CAST: variants seen among roughly 807,000 people sequenced by gnomAD.
CAST encodes MIR583 host.
CAST carries 76 observed loss-of-function variants against 119.6 expected under a neutral mutation model. The ratio of observed to expected loss-of-function variants is 0.64; its 90% confidence interval spans 0.53 to 0.77. The LOEUF (loss-of-function observed/expected upper bound fraction) is 0.77. Ranked by LOEUF, CAST falls within the 30% of genes least tolerant of loss-of-function variation. The probability of loss-of-function intolerance (pLI) is 0.00; values close to 1 mark genes in which losing one functional copy is unlikely to be tolerated. For missense variants in CAST, 953 were observed against 946.5 expected (o/e 1.01, Z -0.09); for synonymous variants, 319 against 331.6 (o/e 0.96, Z 0.41).
the CAST span, among the ~76,000 whole-genome samples, chr5:96,441,871 A>G: frequency 2.6e-5 from 4 of 152,292 alleles, no homozygotes; most frequent in Non-Finnish European, 5.9e-5. Context: ...GTAGTAACAC[A>G]ATGACTTCAT....
At chr5:96,740,461 G>A (rs935090091) in intron 12 of CAST, among the ~76,000 whole-genome samples, 2 of 152,098 alleles carry the variant, frequency 1.3e-5, no homozygotes, top group Non-Finnish European at 2.9e-5. Flanking sequence ...TCTACACACC[G>A]TCTTCCTTCT....
At chr5:96,734,036 G>A (rs1761145182) in intron 9 of CAST, among the ~76,000 whole-genome samples, 1 of 152,162 alleles carries the variant, frequency 6.6e-6, no homozygotes, top group Non-Finnish European at 1.5e-5. Flanking sequence ...TATTTGGTGA[G>A]GAATGAAGGG....
At chr5:96,365,597 T>C in the CAST span, among the ~76,000 whole-genome samples, 2 of 152,222 alleles carry the variant, frequency 1.3e-5, no homozygotes, top group South Asian at 4.1e-4. Flanking sequence ...TTTGTCTCTT[T>C]TGATCTTTGT....
the CAST span, among the ~76,000 whole-genome samples, chr5:96,211,586 T>C: frequency 1.3e-5 from 2 of 152,066 alleles, no homozygotes; most frequent in Admixed American, 6.6e-5. Context: ...ATGAGTGATA[T>C]TGGCTAATGA....
chr5:96,279,616 A>T, the CAST span, among the ~76,000 whole-genome samples: 17 of 152,346 alleles, frequency 1.1e-4, no homozygotes, highest in African/African-American at 3.6e-4. Context: ...GAAGATGGGT[A>T]ATTCTTCTAG....
chr5:96,162,255 A>G, the CAST span, among the ~76,000 whole-genome samples: 1 of 152,210 alleles, frequency 6.6e-6, no homozygotes, highest in Non-Finnish European at 1.5e-5. Flanking sequence ...GGTTTTTCCT[A>G]GGTGCCATTT....
the CAST span, among the ~76,000 whole-genome samples, chr5:96,396,080 C>A: frequency 6.6e-6 from 1 of 152,070 alleles, no homozygotes; most frequent in Non-Finnish European, 1.5e-5. Flanking sequence ...CAAGAACAGG[C>A]CCAGATGCTA....
Position 96,754,159 on chromosome 5 carries a change from A to G in CAST, c.1624A>G (p.Lys542Glu). 6.3e-7 allele frequency: 1 copy of G among 1,577,330 alleles called. No homozygotes were observed. The highest frequency in any genetic ancestry group is 8.7e-7 in the Non-Finnish European group (1 of 1,146,398). ...EDGKPVMDKV[K>E]EKAKEEDREK... ...TGGAAAACCTGTGATGGATAAAGTC[A>G]AGGTAATGGCAACTGAGATGCTTCT... The change falls in exon 21 of 32, where the codon AAG becomes GAG. Residue 542 changes from lysine (K) to glutamate (E), a missense_variant and splice_region_variant. By Grantham distance (56) the Lys-to-Glu change is moderately conservative. Coordinates refer to ENST00000675179, the MANE Select transcript of CAST (RefSeq NM_001750.7).
At chr5:96,659,669 C>T (rs1169062881), upstream of CAST, among the ~76,000 whole-genome samples, 1 of 152,102 alleles carries the variant, frequency 6.6e-6, no homozygotes, top group Non-Finnish European at 1.5e-5. Flanking sequence ...GCTGGGATTA[C>T]AGGTGCGCGC....
chr5:96,309,063 C>A, the CAST span, among the ~76,000 whole-genome samples: 1 of 151,862 alleles, frequency 6.6e-6, no homozygotes, highest in Non-Finnish European at 1.5e-5. Context: ...CCACAGCCAC[C>A]CCTTCCCCCA....
chr5:96,103,406 G>A, the CAST span, among the ~76,000 whole-genome samples: 1 of 140,394 alleles, frequency 7.1e-6, no homozygotes, highest in African/African-American at 2.7e-5. Flanking sequence ...GTGTCCATGT[G>A]TTCTCATTGT....
At chr5:96,389,705 GC>G in the CAST span, among the ~76,000 whole-genome samples, 1 of 152,146 alleles carries the variant, frequency 6.6e-6, no homozygotes, top group Admixed American at 6.5e-5. Context: ...GGAGGCTGGG[GC>G]AGGTGGATCA....
chr5:96,735,149 T>C (rs531950583), intron 9 of CAST, among the ~76,000 whole-genome samples: 1 of 152,248 alleles, frequency 6.6e-6, no homozygotes, highest in East Asian at 1.9e-4. Context: ...ATTTAGCACT[T>C]ACAATTACAT....
At chr5:96,375,890 T>A in the CAST span, among the ~76,000 whole-genome samples, 2 of 135,192 alleles carry the variant, frequency 1.5e-5, no homozygotes, top group East Asian at 4.1e-4. Flanking sequence ...AAAATAAATC[T>A]CTCTCTCTCT....
At chr5:96,358,144 G>T in the CAST span, among the ~76,000 whole-genome samples, 1 of 152,058 alleles carries the variant, frequency 6.6e-6, no homozygotes, top group South Asian at 2.1e-4. Context: ...TTCTCTGATG[G>T]TAGTTTATAT....
At chr5:96,357,763 T>C in the CAST span, among the ~76,000 whole-genome samples, 1 of 152,220 alleles carries the variant, frequency 6.6e-6, no homozygotes, top group Admixed American at 6.5e-5. Context: ...CGCATTGATG[T>C]TCATCAGGGA....
chr5:96,287,757 A>G, the CAST span, among the ~76,000 whole-genome samples: 3 of 152,164 alleles, frequency 2.0e-5, no homozygotes, highest in African/African-American at 7.2e-5. Context: ...CTCAGGGGTC[A>G]AAAATTAAAA....
the CAST span, among the ~76,000 whole-genome samples, chr5:96,466,392 T>C: frequency 6.6e-6 from 1 of 152,098 alleles, no homozygotes; most frequent in South Asian, 2.1e-4. Flanking sequence ...ATAAAATGAG[T>C]GTGAAACATG....
the CAST span, among the ~76,000 whole-genome samples, chr5:95,985,114 A>G: frequency 6.6e-6 from 1 of 152,296 alleles, no homozygotes; most frequent in East Asian, 1.9e-4. Flanking sequence ...GGAGTTTGAG[A>G]CCAACCTGGG....
Sources: gnomAD v4.1 joint callset for allele counts (sites outside exome capture counted in the v4.1 genomes callset) on GRCh38, gnomAD v4.1.1 for gene constraint, MANE v1.5 for transcripts, NCBI Gene and HGNC (gene_info 2026-07-23, HGNC 2026-07-21) for gene names.